FSTL4: variants seen among roughly 807,000 people sequenced by gnomAD.
FSTL4 encodes the protein follistatin-related protein 4.
FSTL4 carries 28 observed loss-of-function variants against 78.2 expected under a neutral mutation model. The observed-to-expected ratio is 0.36, with a 90% CI of 0.27 to 0.49. The LOEUF (loss-of-function observed/expected upper bound fraction) is 0.49, where lower values mean the gene tolerates loss of function less well. Among genes scored for constraint, FSTL4 ranks in the 20% least tolerant of loss-of-function variants. The pLI is 0.98. For missense variants in FSTL4, 922 were observed against 1,084.9 expected (o/e 0.85, Z 2.11); for synonymous variants, 422 against 440.5 (o/e 0.96, Z 0.53).
chr5:133,630,510 A>G, the FSTL4 span, among the ~76,000 whole-genome samples: 2 of 152,234 alleles, frequency 1.3e-5, no homozygotes, highest in Admixed American at 6.5e-5. Context: ...AAACAAATGG[A>G]AAAACATTGC....
chr5:133,456,705 A>G (rs1409920975), intron 3 of FSTL4, among the ~76,000 whole-genome samples: 1 of 152,146 alleles, frequency 6.6e-6, no homozygotes, highest in Non-Finnish European at 1.5e-5. Context: ...AAACAAAACA[A>G]AACAAAACAA....
At chr5:133,693,276 T>C in the FSTL4 span, among the ~76,000 whole-genome samples, 1 of 152,258 alleles carries the variant, frequency 6.6e-6, no homozygotes. Context: ...TGGGCCATTC[T>C]GGAGCTGAAA....
rs189745651 is a variant in FSTL4 at position 133,484,394 on chromosome 5, C to G, written c.160+82792G>C. 8.5e-5 allele frequency among the ~76,000 whole-genome samples: 13 copies of G among 152,188 alleles called. No homozygotes were observed. In the East Asian group the frequency reaches 2.5e-3, roughly 29 times the overall value. ...TTTTCTTCACTCGGTTTTCTTAAAC[C>G]AAGATTTAAGAAATCTCGGTTTTCT... On this transcript the variant is annotated intron_variant, in intron 3 of 15. Transcript: ENST00000265342.
At chr5:133,322,553 T>G (rs973065538) in intron 4 of FSTL4, among the ~76,000 whole-genome samples, 3 of 151,874 alleles carry the variant, frequency 2.0e-5, no homozygotes, top group Non-Finnish European at 2.9e-5. Flanking sequence ...CATGAGTGGG[T>G]TGCCGCCGTG....
intron 3 of FSTL4, among the ~76,000 whole-genome samples, chr5:133,505,240 A>C (rs1369963753): frequency 6.6e-6 from 1 of 152,238 alleles, no homozygotes; most frequent in African/African-American, 2.4e-5. Context: ...TTTTCTAAAA[A>C]GGACAAGTTT....
chr5:133,473,769 A>G (rs1379466421), intron 3 of FSTL4, among the ~76,000 whole-genome samples: 6 of 152,216 alleles, frequency 3.9e-5, no homozygotes, highest in African/African-American at 1.2e-4. Context: ...GGGAAGCCTC[A>G]GGAAACTTAC....
In FSTL4 at chr5:133,220,809, T is replaced by C. The variant is rs754733229; in HGVS notation, c.1397A>G (p.His466Arg). The C allele has an allele frequency of 6.2e-7, 1 of 1,613,454 alleles. No individual in the cohort carries two copies. The change falls in exon 12 of 16, where the codon CAT (histidine) becomes CGT (arginine). Residue 466 changes from histidine (H) to arginine (R), a missense_variant. Coordinates refer to ENST00000265342, the MANE Select transcript of FSTL4 (RefSeq NM_015082.2). ...VFSDDGIIVI[H>R]PVDCEIQRHL... is the part of the protein sequence containing the mutation. ...CCTCTGGATCTCACAGTCCACAGGA[T>C]GGATGACGATGATACCGTCGTCGGA...
At chr5:133,297,771 G>A (rs528559720) in intron 6 of FSTL4, among the ~76,000 whole-genome samples, 30 of 152,282 alleles carry the variant, frequency 2.0e-4, no homozygotes, top group African/African-American at 7.0e-4. Flanking sequence ...GGACCCCTGA[G>A]GCCTCACTGT....
intron 3 of FSTL4, among the ~76,000 whole-genome samples, chr5:133,403,197 C>T (rs187132864): frequency 2.4e-4 from 36 of 152,228 alleles, no homozygotes; most frequent in African/African-American, 8.7e-4. Flanking sequence ...TTTTAATAAC[C>T]TTCCCATGCA....
rs115288262 is a variant in FSTL4, at chr5:133,383,020, C to G, written c.409+17718G>C. On this transcript the variant is annotated intron_variant, in intron 4 of 15. Coordinates refer to ENST00000265342, the MANE Select transcript of FSTL4 (RefSeq NM_015082.2). The stretch of plus-strand genomic sequence containing the variant: ...AGGTGGCTGGAGCAGGCTCTGCGTG[C>G]CCACATGGACTTTACTGACATGTTA... Among the ~76,000 whole-genome samples the G allele has an allele frequency of 4.9e-3, 743 of 152,234 alleles. 7 individuals are homozygous for G. Among genetic ancestry groups the G allele is most frequent in the African/African-American group, 0.016 (683 of 41,536 alleles).
Position 133,249,480 on chromosome 5 carries a change from T to A in FSTL4, c.824A>T (p.Asp275Val). Reference sequence around the variant, plus strand: ...CTTCCAGATGATTGGTGGCCTCAGGTCTCCATGGACGGCGCAGGTCAGCAC... The same window carrying A: ...CTTCCAGATGATTGGTGGCCTCAGGACTCCATGGACGGCGCAGGTCAGCAC... Reference protein sequence around the residue: ...STVLTCAVHGDLRPPIIWKRN... With the variant: ...STVLTCAVHGVLRPPIIWKRN... Residue 275 changes from aspartate to valine, a missense_variant, in exon 7 of 16, where the codon GAC becomes GTC. Asp to Val is a radical substitution (Grantham distance 152, BLOSUM62 -3). Coordinates refer to ENST00000265342, the MANE Select transcript of FSTL4 (RefSeq NM_015082.2). 7 of 1,613,498 alleles carry A rather than the reference T, an allele frequency of 4.3e-6. No individual in the cohort carries two copies. Among genetic ancestry groups the A allele is most frequent in the Non-Finnish European group, 5.9e-6 (7 of 1,179,578 alleles).
At chr5:133,658,979 A>G in the FSTL4 span, among the ~76,000 whole-genome samples, 45 of 152,268 alleles carry the variant, frequency 3.0e-4, 2 homozygotes, top group East Asian at 2.9e-3. Flanking sequence ...CATTGCATGC[A>G]TGATGTTGAT....
the FSTL4 span, among the ~76,000 whole-genome samples, chr5:133,699,880 CAAAAAAAA>C: frequency 1.6e-5 from 1 of 62,476 alleles, no homozygotes; most frequent in Non-Finnish European, 3.0e-5. Context: ...GACTCCATCT[CAAAAAAAA>C]AAAAAAAAAA....
chr5:133,257,420 T>G (rs577774111), intron 6 of FSTL4, among the ~76,000 whole-genome samples: 43 of 152,302 alleles, frequency 2.8e-4, no homozygotes, highest in African/African-American at 1.0e-3. Context: ...CCTCCTTGTT[T>G]GCAGGAGGGG....
intron 7 of FSTL4, among the ~76,000 whole-genome samples, chr5:133,241,867 G>A (rs945508632): frequency 4.6e-5 from 7 of 152,174 alleles, no homozygotes; most frequent in Admixed American, 1.3e-4. Flanking sequence ...CACACTCACA[G>A]CCATGACAGC....
intron 3 of FSTL4, among the ~76,000 whole-genome samples, chr5:133,485,722 T>C (rs1335637105): frequency 6.6e-6 from 1 of 152,222 alleles, no homozygotes; most frequent in Admixed American, 6.5e-5. Context: ...GCAAGCACTC[T>C]GGCCCTGGAA....
the FSTL4 span, among the ~76,000 whole-genome samples, chr5:133,726,598 C>G: frequency 6.6e-6 from 1 of 152,186 alleles, no homozygotes; most frequent in South Asian, 2.1e-4. Context: ...GGGGCCATTT[C>G]TTTCCATTGC....
At chr5:133,706,188 C>T in the FSTL4 span, among the ~76,000 whole-genome samples, 4 of 152,180 alleles carry the variant, frequency 2.6e-5, no homozygotes, top group South Asian at 2.1e-4. Context: ...CTGTTAATTA[C>T]GGGCAATAAT....
chr5:133,575,239 T>G (rs951510162), intron 2 of FSTL4: 2 of 152,160 alleles, frequency 1.3e-5, no homozygotes, highest in Non-Finnish European at 2.9e-5. Flanking sequence ...GACTCAAACC[T>G]CTGAGGTCCT....
Sources: allele counts gnomAD v4.1 joint callset (sites outside exome capture counted in the v4.1 genomes callset), GRCh38; gene constraint gnomAD v4.1.1; transcripts MANE v1.5; gene names NCBI Gene and HGNC (gene_info 2026-07-23, HGNC 2026-07-21).